The following CNIH3 variants were observed in gnomAD, a reference collection of about 807,000 sequenced individuals.
The protein encoded by CNIH3 is protein cornichon homolog 3.
CNIH3 carries 14 observed loss-of-function variants against 24.1 expected under a neutral mutation model. The observed-to-expected ratio is 0.58, with a 90% CI of 0.38 to 0.91. The LOEUF (loss-of-function observed/expected upper bound fraction) is 0.91, where lower values mean the gene tolerates loss of function less well. Ranked by LOEUF, CNIH3 falls within the 40% of genes least tolerant of loss-of-function variation. The pLI is 0.00. For synonymous variants in CNIH3, 68 were observed against 73.8 expected (o/e 0.92, Z 0.40); for missense variants, 178 against 196.8 (o/e 0.90, Z 0.57).
chr1:224,485,561 T>C (rs1381518456), intron 1 of CNIH3, among the ~76,000 whole-genome samples: 1 of 152,070 alleles, frequency 6.6e-6, no homozygotes, highest in African/African-American at 2.4e-5. Flanking sequence ...GGCGTGATCA[T>C]TGTTCACCAC....
At chr1:224,435,068 G>T (rs1313063017) in intron 1 of CNIH3, 2 of 985,652 alleles carry the variant, frequency 2.0e-6, no homozygotes, top group Non-Finnish European at 1.2e-6. Flanking sequence ...GTTCGTAGCC[G>T]CCCTCCGAAG....
chr1:224,631,316 C>T (rs559884330), intron 1 of CNIH3, among the ~76,000 whole-genome samples: 116 of 152,242 alleles, frequency 7.6e-4, no homozygotes, highest in South Asian at 1.9e-3. Context: ...CGTTCCTCTC[C>T]ATTCATCAGC....
At chr1:224,640,321 C>G (rs1684295029) in intron 1 of CNIH3, among the ~76,000 whole-genome samples, 1 of 152,250 alleles carries the variant, frequency 6.6e-6, no homozygotes, top group African/African-American at 2.4e-5. Context: ...GGGCAGGTAA[C>G]AGAACAGCCC....
At chr1:224,644,203 A>G (rs1189282459) in intron 1 of CNIH3, among the ~76,000 whole-genome samples, 1 of 151,984 alleles carries the variant, frequency 6.6e-6, no homozygotes, top group African/African-American at 2.4e-5. Flanking sequence ...TGTTACAAGC[A>G]TGTTGTTTGT....
intron 1 of CNIH3, among the ~76,000 whole-genome samples, chr1:224,442,873 T>C (rs1384259060): frequency 2.0e-5 from 3 of 152,194 alleles, no homozygotes; most frequent in Non-Finnish European, 4.4e-5. Flanking sequence ...AAAGGAAAAA[T>C]GGAGCAAGTC....
At chr1:224,452,685 G>T (rs1302608138) in intron 1 of CNIH3, among the ~76,000 whole-genome samples, 1 of 150,814 alleles carries the variant, frequency 6.6e-6, no homozygotes, top group African/African-American at 2.4e-5. Flanking sequence ...GGGAGGCTGA[G>T]GCAGGAGAAT....
chr1:224,720,184 AT>A (rs1688636683), intron 3 of CNIH3, among the ~76,000 whole-genome samples: 1 of 151,262 alleles, frequency 6.6e-6, no homozygotes, highest in Non-Finnish European at 1.5e-5. Context: ...TTAGGGCAAA[AT>A]TTTTCCAAGC....
At chr1:224,441,839 A>C (rs1243313303) in intron 1 of CNIH3, among the ~76,000 whole-genome samples, 3 of 152,154 alleles carry the variant, frequency 2.0e-5, no homozygotes, top group African/African-American at 7.2e-5. Context: ...TGTATAGGCA[A>C]ACATGAAATA....
chr1:224,665,552 C>A (rs756638284), intron 1 of CNIH3, among the ~76,000 whole-genome samples: 11 of 152,300 alleles, frequency 7.2e-5, no homozygotes, highest in Non-Finnish European at 1.5e-4. Flanking sequence ...CAGCAATGAG[C>A]AAAACAGTGT....
intron 1 of CNIH3, among the ~76,000 whole-genome samples, chr1:224,474,925 G>T (rs1286143872): frequency 6.6e-6 from 1 of 151,464 alleles, no homozygotes; most frequent in East Asian, 1.9e-4. Flanking sequence ...GGCGCCTGTA[G>T]TCCCAGCTAC....
rs575119774 is a variant in CNIH3, at chr1:224,467,030, CTT to C, written n.203+32171_203+32172del. ...TATTTTCTCCCAGTCTGTAATTTATCTTTTCATTCTCTTGAGACAGGGTTTCA... is the reference window on the plus strand; with the variant it reads ...TATTTTCTCCCAGTCTGTAATTTATCTTCATTCTCTTGAGACAGGGTTTCA... On this transcript the variant is annotated intron_variant and non_coding_transcript_variant, in intron 1 of 5. Coordinates refer to the CNIH3 transcript ENST00000471578. 9.9e-5 allele frequency among the ~76,000 whole-genome samples: 15 copies of C among 152,146 alleles called. No homozygotes were observed. The South Asian group carries it at 2.3e-3, about 23-fold the overall frequency.
chr1:224,533,259 A>T (rs1003461584), intron 2 of CNIH3, among the ~76,000 whole-genome samples: 6 of 148,230 alleles, frequency 4.0e-5, no homozygotes, highest in African/African-American at 1.6e-4. Context: ...AAAAAAAAAT[A>T]AAATAAAATT....
chr1:224,502,922 A>G (rs1282757266), intron 1 of CNIH3, among the ~76,000 whole-genome samples: 6 of 152,086 alleles, frequency 3.9e-5, no homozygotes, highest in African/African-American at 1.4e-4. Flanking sequence ...GACAGGGGGT[A>G]GAACACAGGC....
intron 1 of CNIH3, among the ~76,000 whole-genome samples, chr1:224,489,672 A>G (rs1341159292): frequency 6.6e-6 from 1 of 152,216 alleles, no homozygotes; most frequent in Non-Finnish European, 1.5e-5. Context: ...ATACATGGCC[A>G]TGACTGGGAG....
chr1:224,462,795 A>G (rs1354828777), intron 1 of CNIH3, among the ~76,000 whole-genome samples: 1 of 151,240 alleles, frequency 6.6e-6, no homozygotes, highest in Non-Finnish European at 1.5e-5. Context: ...ACGCACCACC[A>G]CACCTGGCTA....
chr1:224,443,660 T>TAG (rs1401823239), intron 1 of CNIH3, among the ~76,000 whole-genome samples: 73 of 143,078 alleles, frequency 5.1e-4, no homozygotes, highest in African/African-American at 1.0e-3. Context: ...CCCAATTATA[T>TAG]ATATAGATAG....
At chr1:224,513,384 T>G (rs1678248293), upstream of CNIH3, among the ~76,000 whole-genome samples, 3 of 150,264 alleles carry the variant, frequency 2.0e-5, no homozygotes, top group South Asian at 4.2e-4. Flanking sequence ...CTCTCTATGT[T>G]GCTCAGGCTG....
At chr1:224,584,135 A>C (rs997019937) in intron 5 of CNIH3, among the ~76,000 whole-genome samples, 1 of 152,186 alleles carries the variant, frequency 6.6e-6, no homozygotes, top group Non-Finnish European at 1.5e-5. Context: ...ATTATTGCTG[A>C]CACTATTATT....
rs1425362345 is a variant in CNIH3 at position 224,669,647 on chromosome 1, G to A, written c.82-11311G>A. On this transcript the variant is annotated intron_variant, in intron 1 of 5. Transcript: ENST00000272133. ...GAGAGCCGTGAGACCAGAGGGTGGG[G>A]CCTGAACACTGCATGGTAATAATTA... Among the ~76,000 whole-genome samples, 4 of 152,204 alleles carry A rather than the reference G, an allele frequency of 2.6e-5. No individual in the cohort carries two copies. The East Asian group carries it at 5.8e-4, about 22-fold the overall frequency.
Sources: allele counts gnomAD v4.1 joint callset (sites outside exome capture counted in the v4.1 genomes callset), GRCh38; gene constraint gnomAD v4.1.1; transcripts MANE v1.5; gene names NCBI Gene and HGNC (gene_info 2026-07-23, HGNC 2026-07-21).